The following POU6F2 variants were observed in gnomAD, a reference collection of about 807,000 sequenced individuals.
The protein encoded by POU6F2 is POU class 6 homeobox 2, also known as POU domain, class 6, transcription factor 2.
A neutral mutation model predicts 71.3 loss-of-function variants in POU6F2; 31 were observed. That is an observed-to-expected ratio of 0.43 (90% CI 0.33 to 0.59). POU6F2 has a LOEUF of 0.59. Among genes scored for constraint, POU6F2 ranks in the 20% least tolerant of loss-of-function variants. POU6F2 has a pLI of 0.04. For missense variants in POU6F2, 783 were observed against 856.8 expected (o/e 0.91, Z 1.07); for synonymous variants, 347 against 355.7 (o/e 0.98, Z 0.27).
At chr7:39,033,207 C>T (rs1009986732) in intron 1 of POU6F2, among the ~76,000 whole-genome samples, 4 of 152,200 alleles carry the variant, frequency 2.6e-5, no homozygotes, top group Non-Finnish European at 5.9e-5. Context: ...ATATATTAGG[C>T]TGAGGAATGC....
chr7:39,306,093 G>A (rs951584380), intron 4 of POU6F2, among the ~76,000 whole-genome samples: 1 of 152,040 alleles, frequency 6.6e-6, no homozygotes, highest in African/African-American at 2.4e-5. Flanking sequence ...CATGAGCAAT[G>A]TCTAAAATTT....
At chr7:39,272,293 C>T (rs151302469) in intron 4 of POU6F2, among the ~76,000 whole-genome samples, 4 of 152,160 alleles carry the variant, frequency 2.6e-5, no homozygotes, top group African/African-American at 9.7e-5. Flanking sequence ...AGACTCCAGG[C>T]TAATCCCTCC....
chr7:39,090,882 G>A (rs1791351476), intron 2 of POU6F2, among the ~76,000 whole-genome samples: 1 of 151,982 alleles, frequency 6.6e-6, no homozygotes, highest in African/African-American at 2.4e-5. Context: ...GATGCATAAG[G>A]TATTTGTCAA....
intron 8 of POU6F2, among the ~76,000 whole-genome samples, chr7:39,457,114 A>T (rs2237370): frequency 0.35 from 52,788 of 152,126 alleles, 10,386 homozygotes; most frequent in East Asian, 0.58. Context: ...TAGTTGATAG[A>T]CTCAAGGAAC....
intron 2 of POU6F2, among the ~76,000 whole-genome samples, chr7:39,111,007 AAATT>A (rs1791799289): frequency 7.0e-6 from 1 of 143,268 alleles, no homozygotes; most frequent in Non-Finnish European, 1.6e-5. Context: ...AATTTTAAAT[AAATT>A]GTATATTTTG....
At chr7:39,442,613 TTGATTCTCTACCTTCTAAG>T (rs1788430345) in intron 7 of POU6F2, among the ~76,000 whole-genome samples, 1 of 152,212 alleles carries the variant, frequency 6.6e-6, no homozygotes, top group Non-Finnish European at 1.5e-5. Context: ...CTATTTCTGT[TTGATTCTCTACCTTCTAAG>T]TGGTTCCTCA....
At chr7:39,188,597 G>A (rs1327607164) in intron 2 of POU6F2, among the ~76,000 whole-genome samples, 1 of 152,200 alleles carries the variant, frequency 6.6e-6, no homozygotes, top group Non-Finnish European at 1.5e-5. Flanking sequence ...ACAGGCATGA[G>A]CCACCATGCT....
chr7:39,032,021 C>A (rs893640054), intron 1 of POU6F2, among the ~76,000 whole-genome samples: 1 of 152,124 alleles, frequency 6.6e-6, no homozygotes, highest in Non-Finnish European at 1.5e-5. Flanking sequence ...AGGAAGGATG[C>A]TACTCATTAT....
At chr7:38,980,418 T>TA (rs575595639) in intron 1 of POU6F2, among the ~76,000 whole-genome samples, 49 of 152,114 alleles carry the variant, frequency 3.2e-4, no homozygotes, top group Non-Finnish European at 5.6e-4. Flanking sequence ...TCTAGAAATA[T>TA]AAAAAAGAAA....
At chr7:39,280,962 AT>A (rs1784552831) in intron 4 of POU6F2, among the ~76,000 whole-genome samples, 1 of 152,218 alleles carries the variant, frequency 6.6e-6, no homozygotes, top group Non-Finnish European at 1.5e-5. Flanking sequence ...CTCGTGCAAA[AT>A]CTCCTAGAGT....
intron 1 of POU6F2, among the ~76,000 whole-genome samples, chr7:39,043,027 G>A (rs989431724): frequency 6.6e-6 from 1 of 151,950 alleles, no homozygotes; most frequent in African/African-American, 2.4e-5. Context: ...GTGTGTGTAT[G>A]TTCTCTGTAA....
At chr7:39,071,276 T>G (rs1319417571) in intron 1 of POU6F2, among the ~76,000 whole-genome samples, 1 of 150,690 alleles carries the variant, frequency 6.6e-6, no homozygotes, top group Non-Finnish European at 1.5e-5. Flanking sequence ...TCAAATAGGG[T>G]TTGTGCTCCT....
intron 1 of POU6F2, among the ~76,000 whole-genome samples, chr7:39,029,584 A>G (rs1789892976): frequency 6.6e-6 from 1 of 152,142 alleles, no homozygotes; most frequent in African/African-American, 2.4e-5. Context: ...TCACAACACC[A>G]TGCATTCTAC....
intron 4 of POU6F2, among the ~76,000 whole-genome samples, chr7:39,238,357 A>C (rs1246131166): frequency 2.0e-5 from 3 of 152,044 alleles, no homozygotes; most frequent in Non-Finnish European, 4.4e-5. Context: ...ACTTACCAGA[A>C]AGCAAAGTCA....
intron 3 of POU6F2, 26 bp downstream of exon 3, chr7:39,204,352 C>T: frequency 6.4e-7 from 1 of 1,573,516 alleles, no homozygotes; most frequent in Non-Finnish European, 8.7e-7. Flanking sequence ...CTGCTTTCCA[C>T]TGGGCTGCAT....
intron 2 of POU6F2, among the ~76,000 whole-genome samples, chr7:39,131,581 C>T (rs1049089139): frequency 2.0e-5 from 3 of 152,158 alleles, no homozygotes; most frequent in African/African-American, 7.2e-5. Context: ...CCTAAATCTA[C>T]GGCCATCCTG....
intron 6 of POU6F2, among the ~76,000 whole-genome samples, chr7:39,424,732 C>T (rs1787929288): frequency 6.6e-6 from 1 of 151,882 alleles, no homozygotes; most frequent in Admixed American, 6.6e-5. Context: ...TAAAAGAGAA[C>T]ATGGCAAATC....
chr7:39,098,381 C>A (rs187393650), intron 2 of POU6F2, among the ~76,000 whole-genome samples: 1 of 152,010 alleles, frequency 6.6e-6, no homozygotes, highest in Non-Finnish European at 1.5e-5. Flanking sequence ...TCAAGCGATC[C>A]TCCCACCTCA....
rs540750206 is a variant in POU6F2, at chr7:39,252,863, C to G, written c.598+45243C>G. Reference sequence around the variant, plus strand: ...CCACCCCACAGGCACACCTTATGCCCTGACCCTGCTTTATTTTAGCTATAG... The same window carrying G: ...CCACCCCACAGGCACACCTTATGCCGTGACCCTGCTTTATTTTAGCTATAG... On this transcript the variant is annotated intron_variant, in intron 4 of 9. Coordinates refer to ENST00000518318, the MANE Select transcript of POU6F2 (RefSeq NM_001370959.1). Among the ~76,000 whole-genome samples the G allele has an allele frequency of 7.9e-5, 12 of 152,338 alleles. No individual in the cohort carries two copies. In the South Asian group the frequency reaches 2.5e-3, roughly 32 times the overall value.
Sources: gnomAD v4.1 joint callset for allele counts (sites outside exome capture counted in the v4.1 genomes callset) on GRCh38, gnomAD v4.1.1 for gene constraint, MANE v1.5 for transcripts, NCBI Gene and HGNC (gene_info 2026-07-23, HGNC 2026-07-21) for gene names.